STK33: variants seen among roughly 807,000 people sequenced by gnomAD.
STK33 encodes the protein serine/threonine kinase 33.
A neutral mutation model predicts 58.0 loss-of-function variants in STK33; 52 were observed. The observed-to-expected ratio is 0.90, with a 90% CI of 0.72 to 1.13. STK33 has a LOEUF of 1.13. Ranked by LOEUF, STK33 falls within the 50% of genes most tolerant of loss-of-function variation. The pLI is 0.00. For synonymous variants in STK33, 215 were observed against 200.1 expected, an observed-to-expected ratio of 1.07 and a Z score of -0.63; for missense variants, 630 against 604.2, an observed-to-expected ratio of 1.04 and a Z score of -0.45.
At chr11:8,386,986 C>T (rs1848552853), downstream of STK33, among the ~76,000 whole-genome samples, 1 of 152,176 alleles carries the variant, frequency 6.6e-6, no homozygotes, top group Non-Finnish European at 1.5e-5. Context: ...AAGAACGGAG[C>T]CTCTTTTCTC....
intron 6 of STK33, chr11:8,466,730 G>A (rs946895555): frequency 6.6e-6 from 1 of 152,240 alleles, no homozygotes; most frequent in Non-Finnish European, 1.5e-5. Context: ...CTGTGTGGGG[G>A]CTCCCACCCC....
chr11:8,379,723 C>T, the STK33 span, among the ~76,000 whole-genome samples: 1 of 152,118 alleles, frequency 6.6e-6, no homozygotes, highest in African/African-American at 2.4e-5. Context: ...TTTGTCACTT[C>T]AATATTAAGC....
intron 1 of STK33, among the ~76,000 whole-genome samples, chr11:8,507,249 G>A (rs1951930327): frequency 6.6e-6 from 1 of 152,120 alleles, no homozygotes; most frequent in African/African-American, 2.4e-5. Context: ...GATAAGTGCT[G>A]TGTTCTTTCT....
At chr11:8,579,986 G>GCTT (rs2029868203) in intron 1 of STK33, among the ~76,000 whole-genome samples, 1 of 152,116 alleles carries the variant, frequency 6.6e-6, no homozygotes, top group Non-Finnish European at 1.5e-5. Flanking sequence ...GAGGAGATGT[G>GCTT]GAGAAAAGGG....
intron 1 of STK33, among the ~76,000 whole-genome samples, chr11:8,586,009 C>T (rs146534308): frequency 1.3e-5 from 2 of 151,922 alleles, no homozygotes; most frequent in South Asian, 2.1e-4. Flanking sequence ...ACCAAGATTG[C>T]GCCACTGTAC....
At chr11:8,571,759 G>T (rs1484823495) in intron 1 of STK33, among the ~76,000 whole-genome samples, 1 of 151,348 alleles carries the variant, frequency 6.6e-6, no homozygotes, top group Admixed American at 6.6e-5. Context: ...TGTGAACCCG[G>T]GAGGCGGAGC....
At chr11:8,339,260 G>C in the STK33 span, among the ~76,000 whole-genome samples, 1 of 152,294 alleles carries the variant, frequency 6.6e-6, no homozygotes, top group South Asian at 2.1e-4. Flanking sequence ...CAGGCACGGG[G>C]TTAGCACCGA....
At chr11:8,481,135 C>A (rs1332079186) in intron 1 of STK33, among the ~76,000 whole-genome samples, 1 of 151,978 alleles carries the variant, frequency 6.6e-6, no homozygotes, top group East Asian at 1.9e-4. Flanking sequence ...TGTTTCATTC[C>A]ACATGAGGAA....
At chr11:8,529,094 C>G (rs542207882) in intron 1 of STK33, among the ~76,000 whole-genome samples, 1 of 152,254 alleles carries the variant, frequency 6.6e-6, no homozygotes, top group Admixed American at 6.5e-5. Context: ...GTTTGAATCC[C>G]AACAGTCTGA....
At chr11:8,410,559 G>A (rs895358040) in intron 15 of STK33, among the ~76,000 whole-genome samples, 1 of 140,210 alleles carries the variant, frequency 7.1e-6, no homozygotes, top group Non-Finnish European at 1.5e-5. Context: ...TGCAACCTCC[G>A]CCTCTTGGGT....
chr11:8,394,827 G>A (rs2134987642), intron 15 of STK33, among the ~76,000 whole-genome samples: 1 of 152,154 alleles, frequency 6.6e-6, no homozygotes, highest in South Asian at 2.1e-4. Context: ...GTTTTATTTT[G>A]TAGTAAGATA....
intron 1 of STK33, among the ~76,000 whole-genome samples, chr11:8,567,876 T>TC (rs1218139741): frequency 6.6e-6 from 1 of 152,192 alleles, no homozygotes; most frequent in Admixed American, 6.5e-5. Context: ...ATTAACTTAT[T>TC]CTTTGGGCTT....
intron 1 of STK33, among the ~76,000 whole-genome samples, chr11:8,575,585 G>T (rs1220184452): frequency 6.6e-6 from 1 of 152,120 alleles, no homozygotes; most frequent in Non-Finnish European, 1.5e-5. Flanking sequence ...AGGTTATCAG[G>T]GGCTGGGGGA....
At chr11:8,565,226 A>G (rs767503092) in intron 1 of STK33, among the ~76,000 whole-genome samples, 12 of 152,224 alleles carry the variant, frequency 7.9e-5, no homozygotes, top group Middle Eastern at 3.2e-3. Context: ...CGCTACATGG[A>G]GGATATAGGT....
chr11:8,400,307 G>A (rs1022501806), intron 15 of STK33, among the ~76,000 whole-genome samples: 1 of 152,176 alleles, frequency 6.6e-6, no homozygotes, highest in Non-Finnish European at 1.5e-5. Flanking sequence ...ATGCAAGGCT[G>A]GTTCAACATA....
chr11:8,437,733 T>G (rs930395776), intron 12 of STK33, among the ~76,000 whole-genome samples: 27 of 152,220 alleles, frequency 1.8e-4, no homozygotes, highest in African/African-American at 5.8e-4. Flanking sequence ...TGATGATGAT[T>G]ATGATGACTT....
chr11:8,566,652 G>C (rs562819221), intron 1 of STK33, among the ~76,000 whole-genome samples: 4 of 152,270 alleles, frequency 2.6e-5, no homozygotes, highest in Middle Eastern at 3.4e-3. Flanking sequence ...CTACTATAAA[G>C]ATGACTTTTT....
In STK33 at chr11:8,533,453, G is replaced by A. The variant is rs1399788982; in HGVS notation, c.-465-52839C>T. On this transcript the variant is annotated intron_variant, in intron 1 of 15. Coordinates refer to ENST00000687296, the MANE Select transcript of STK33 (RefSeq NM_001352389.2). Reference sequence around the variant, plus strand: ...AAGTGAGCAGCAGAGCTGCCACACAGATCACTGAAGGTGGCACCAGAGAAC... The same window carrying A: ...AAGTGAGCAGCAGAGCTGCCACACAAATCACTGAAGGTGGCACCAGAGAAC... 2.0e-5 allele frequency: 3 copies of A among 152,230 alleles called. No individual in the cohort carries two copies. The East Asian group carries it at 5.8e-4, about 29-fold the overall frequency. 9.4% of individuals were successfully genotyped at this position (152,230 alleles called of 1,614,324 possible).
At chr11:8,551,291 G>A (rs777165216) in intron 1 of STK33, among the ~76,000 whole-genome samples, 1 of 151,936 alleles carries the variant, frequency 6.6e-6, no homozygotes, top group African/African-American at 2.4e-5. Context: ...CACCACAACT[G>A]GCTAATTTTT....
Sources: gnomAD v4.1 joint callset for allele counts (sites outside exome capture counted in the v4.1 genomes callset) on GRCh38, gnomAD v4.1.1 for gene constraint, MANE v1.5 for transcripts, NCBI Gene and HGNC (gene_info 2026-07-23, HGNC 2026-07-21) for gene names.